The following NXPH2 variants were observed in gnomAD, a reference collection of about 807,000 sequenced individuals.
NXPH2 encodes the protein neurexophilin 2.
In NXPH2, 5 loss-of-function variants were observed where a neutral mutation model predicts 19.8. The observed-to-expected ratio is 0.25, with a 90% CI of 0.13 to 0.53. The LOEUF (loss-of-function observed/expected upper bound fraction) is 0.53. NXPH2 is among the 20% of genes least tolerant of loss of function. The probability of loss-of-function intolerance (pLI) is 0.96; values close to 1 mark genes in which losing one functional copy is unlikely to be tolerated. For synonymous variants in NXPH2, 154 were observed against 127.4 expected (o/e 1.21, Z -1.41); for missense variants, 289 against 322.8 (o/e 0.90, Z 0.80).
chr2:138,679,724 G>C (rs1474790218), intron 1 of NXPH2, among the ~76,000 whole-genome samples: 1 of 152,110 alleles, frequency 6.6e-6, no homozygotes. Context: ...TGCCCTTTCT[G>C]ACTCAGCAAG....
intron 1 of NXPH2, among the ~76,000 whole-genome samples, chr2:138,718,906 C>T (rs1433489527): frequency 1.3e-5 from 2 of 151,928 alleles, no homozygotes; most frequent in African/African-American, 4.8e-5. Context: ...GAGACACAGT[C>T]TCACTAGAGT....
rs867081940 is a variant in NXPH2, at chr2:138,671,585, G to A, written c.132C>T (p.Val44=). The stretch of plus-strand genomic sequence containing the variant: ...TGATCCTTGAGTGCACCACGTTGCC[G>A]ACCAACGTCCCTGGAGCATCTTTGT... ...WEDKDAPGTL[V]GNVVHSRIIS... Residue 44 remains valine (V), a synonymous_variant, in exon 2 of 2, where the codon GTC becomes GTT. Transcript: ENST00000272641. 7.4e-6 allele frequency: 12 copies of A among 1,612,844 alleles called. No individual in the cohort carries two copies. In the East Asian group the frequency reaches 1.6e-4, roughly 21 times the overall value.
chr2:138,759,472 C>G (rs965295563), intron 1 of NXPH2, among the ~76,000 whole-genome samples: 16 of 152,018 alleles, frequency 1.1e-4, no homozygotes, highest in African/African-American at 3.9e-4. Context: ...CTGCTGCACC[C>G]CCTAGCTACA....
chr2:138,713,271 G>A (rs557871147), intron 1 of NXPH2, among the ~76,000 whole-genome samples: 2 of 152,324 alleles, frequency 1.3e-5, no homozygotes, highest in Admixed American at 6.5e-5. Context: ...AACCTCAGCA[G>A]TCACAGGACA....
chr2:138,754,214 G>GATTC (rs2104835150), intron 1 of NXPH2, among the ~76,000 whole-genome samples: 2 of 152,222 alleles, frequency 1.3e-5, no homozygotes, highest in East Asian at 3.9e-4. Flanking sequence ...CATATGTAAG[G>GATTC]ATTCAGTCAC....
intron 1 of NXPH2, among the ~76,000 whole-genome samples, chr2:138,774,155 C>A (rs1033119562): frequency 6.6e-5 from 10 of 152,170 alleles, no homozygotes; most frequent in African/African-American, 2.4e-4. Flanking sequence ...TAGAATTTAA[C>A]TGAGAGTCAA....
At chr2:138,739,161 A>C (rs10928665) in intron 1 of NXPH2, among the ~76,000 whole-genome samples, 79,223 of 152,060 alleles carry the variant, frequency 0.52, 21,361 homozygotes, top group Non-Finnish European at 0.6. Flanking sequence ...TAATAAAAAA[A>C]TAACAACTTT....
At chr2:138,727,471 G>GT (rs923000390) in intron 1 of NXPH2, among the ~76,000 whole-genome samples, 6 of 151,830 alleles carry the variant, frequency 4.0e-5, no homozygotes, top group Admixed American at 3.3e-4. Context: ...TTGTTTGTTT[G>GT]TTTTTTGCAA....
At chr2:138,690,592 A>AC (rs200402248) in intron 1 of NXPH2, among the ~76,000 whole-genome samples, 4,522 of 152,080 alleles carry the variant, frequency 0.03, 255 homozygotes, top group African/African-American at 0.1. Flanking sequence ...TGAAAAAAAA[A>AC]AAAACAAAAC....
intron 1 of NXPH2, among the ~76,000 whole-genome samples, chr2:138,703,069 A>G (rs72860174): frequency 0.084 from 12,759 of 152,214 alleles, 787 homozygotes; most frequent in Non-Finnish European, 0.11. Context: ...TCTCGCCTGT[A>G]TTAAATAGCA....
At chr2:138,733,860 T>G (rs78363823) in intron 1 of NXPH2, among the ~76,000 whole-genome samples, 3 of 152,072 alleles carry the variant, frequency 2.0e-5, no homozygotes, top group African/African-American at 4.8e-5. Flanking sequence ...AAGTCAGGGA[T>G]AGTGGAAAGA....
chr2:138,773,698 G>C (rs912894335), intron 1 of NXPH2, among the ~76,000 whole-genome samples: 3 of 152,122 alleles, frequency 2.0e-5, no homozygotes, highest in Non-Finnish European at 4.4e-5. Flanking sequence ...ATATGATAAA[G>C]CTTGAAAATC....
At chr2:138,696,320 A>G (rs1039505368) in intron 1 of NXPH2, among the ~76,000 whole-genome samples, 1 of 152,224 alleles carries the variant, frequency 6.6e-6, no homozygotes, top group Non-Finnish European at 1.5e-5. Flanking sequence ...ATAAACCCAC[A>G]TATTTCAACA....
intron 1 of NXPH2, among the ~76,000 whole-genome samples, chr2:138,683,565 C>T (rs566622077): frequency 6.6e-6 from 1 of 152,208 alleles, no homozygotes; most frequent in East Asian, 1.9e-4. Context: ...ACTATCAAAT[C>T]CATTTAATAT....
chr2:138,779,798 A>G (rs1682322532), intron 1 of NXPH2, among the ~76,000 whole-genome samples: 1 of 152,156 alleles, frequency 6.6e-6, no homozygotes, highest in Non-Finnish European at 1.5e-5. Context: ...CGTGAAAAAT[A>G]AACACCACCA....
intron 1 of NXPH2, among the ~76,000 whole-genome samples, chr2:138,750,658 A>G (rs1412267578): frequency 1.3e-5 from 2 of 152,190 alleles, no homozygotes; most frequent in Non-Finnish European, 2.9e-5. Flanking sequence ...CTACCTATGA[A>G]GGTCTTGCAG....
chr2:138,742,857 A>G (rs1245582066), intron 1 of NXPH2, among the ~76,000 whole-genome samples: 1 of 152,228 alleles, frequency 6.6e-6, no homozygotes, highest in Non-Finnish European at 1.5e-5. Flanking sequence ...TGACCTTGAA[A>G]ACAATGGATT....
At chr2:138,712,425 G>A (rs1262807502) in intron 1 of NXPH2, among the ~76,000 whole-genome samples, 5 of 152,094 alleles carry the variant, frequency 3.3e-5, no homozygotes, top group African/African-American at 7.2e-5. Context: ...TCTGGACTTC[G>A]GAGTTCTGTC....
rs1319378485 is a variant in NXPH2, at chr2:138,699,261, G to C, written c.52-27596C>G. On this transcript the variant is annotated intron_variant, in intron 1 of 1. Coordinates refer to ENST00000272641, the MANE Select transcript of NXPH2 (RefSeq NM_007226.3). ...TACAAATCTTAATCTTTGGGGAGCA[G>C]AACAAATAAAAGTGTCTATGGAAAT... is the stretch of plus-strand genomic sequence containing the variant. Among the ~76,000 whole-genome samples, 4 of 152,186 alleles carry C rather than the reference G, an allele frequency of 2.6e-5. No individual in the cohort carries two copies. The East Asian group carries it at 7.7e-4, about 29-fold the overall frequency.
Sources: allele counts gnomAD v4.1 joint callset (sites outside exome capture counted in the v4.1 genomes callset), GRCh38; gene constraint gnomAD v4.1.1; transcripts MANE v1.5; gene names NCBI Gene and HGNC (gene_info 2026-07-23, HGNC 2026-07-21).